Variants in E2F7 observed in about 807,000 individuals in gnomAD.
E2F7 encodes the protein transcription factor E2F7.
A neutral mutation model predicts 81.1 loss-of-function variants in E2F7; 35 were observed. That is an observed-to-expected ratio of 0.43 (90% confidence interval 0.33 to 0.57). The LOEUF (loss-of-function observed/expected upper bound fraction) is 0.57, where lower values mean the gene tolerates loss of function less well. Ranked by LOEUF, E2F7 falls within the 20% of genes least tolerant of loss-of-function variation. The pLI, the probability that E2F7 is intolerant of heterozygous loss-of-function variation, is 0.04. For synonymous variants in E2F7, 416 were observed against 416.2 expected (o/e 1.00, Z 0.01); for missense variants, 961 against 1,093.7 (o/e 0.88, Z 1.71).
At chr12:77,025,185 A>G (rs898111161) in intron 12 of E2F7, among the ~76,000 whole-genome samples, 4 of 152,184 alleles carry the variant, frequency 2.6e-5, no homozygotes, top group Admixed American at 2.0e-4. Flanking sequence ...GATTGTTTTT[A>G]TAGCTGTATA....
intron 5 of E2F7, chr12:77,045,764 G>A (rs1162231968): frequency 2.7e-5 from 11 of 412,294 alleles, no homozygotes; most frequent in Non-Finnish European, 4.3e-5. Flanking sequence ...ACCAGCATGG[G>A]GCTGCCAATC....
chr12:77,038,064 A>G (rs927641550), intron 7 of E2F7, among the ~76,000 whole-genome samples: 1 of 152,208 alleles, frequency 6.6e-6, no homozygotes, highest in African/African-American at 2.4e-5. Context: ...GGGTCATTTT[A>G]TAATGATAAA....
chr12:77,030,191 G>A lies in E2F7; in HGVS notation c.1524C>T (p.Asp508=), dbSNP rs975821299. The A allele has an allele frequency of 6.2e-7, 1 of 1,614,152 alleles. No homozygotes were observed. Among genetic ancestry groups the A allele is most frequent in the Admixed American group, 1.7e-5 (1 of 60,026 alleles). Residue 508 remains aspartate, a synonymous_variant, in exon 10 of 13, where the codon GAC becomes GAT. Transcript: ENST00000322886. ...CGTTCTGCATGGAGAATGCCTGCAGGTCCGTCTGAGCAACAGAAAATACTG... is the reference window on the plus strand; with the variant it reads ...CGTTCTGCATGGAGAATGCCTGCAGATCCGTCTGAGCAACAGAAAATACTG... ...AHPVFSVAQT[D]LQAFSMQNGL...
At chr12:77,048,491 T>C (rs1228793191) in intron 4 of E2F7, among the ~76,000 whole-genome samples, 2 of 152,174 alleles carry the variant, frequency 1.3e-5, no homozygotes, top group African/African-American at 4.8e-5. Flanking sequence ...ACCCATGATA[T>C]CCAGTGTTAA....
intron 4 of E2F7, 62 bp downstream of exon 4, chr12:77,050,514 C>T (rs1208087790): frequency 1.3e-6 from 2 of 1,578,560 alleles, no homozygotes; most frequent in Non-Finnish European, 8.7e-7. Context: ...TCAGCCTGCC[C>T]AAGGAAACCA....
intron 5 of E2F7, among the ~76,000 whole-genome samples, chr12:77,045,195 T>C (rs1468394371): frequency 1.3e-5 from 2 of 152,212 alleles, no homozygotes; most frequent in Admixed American, 1.3e-4. Flanking sequence ...AAAAACTCCA[T>C]TTTTATTTCT....
chr12:77,022,386 A>G lies in E2F7; in HGVS notation c.*1629T>C, dbSNP rs948711223. ...GTTTAGTGTTGATAAAAATTTTTAT[A>G]TAAGTAGCAAATTTATTTAATGTAG... On this transcript the variant is annotated 3_prime_UTR_variant, in exon 13 of 13. Transcript: ENST00000322886. The G allele has an allele frequency of 2.6e-5, 4 of 152,532 alleles. No homozygotes were observed. The highest frequency in any genetic ancestry group is 6.5e-5 in the Admixed American group (1 of 15,278). 9.4% of individuals were successfully genotyped at this position (152,532 alleles called of 1,614,324 possible).
chr12:77,050,771 G>A lies in E2F7; in HGVS notation c.370-27C>T, dbSNP rs139345111. 18 of 1,604,712 alleles carry A rather than the reference G, an allele frequency of 1.1e-5. No individual in the cohort carries two copies. The Admixed American group carries it at 1.8e-4, about 16-fold the overall frequency. On this transcript the variant is annotated intron_variant, in intron 3 of 12. Coordinates refer to ENST00000322886, the MANE Select transcript of E2F7 (RefSeq NM_203394.3). ...TACAGAGGGCAGATAGAAGGGAGGG[G>A]GAAGATGTCACAGTTAACATCCTAA...
At chr12:77,041,561 A>T (rs572042570) in intron 7 of E2F7, among the ~76,000 whole-genome samples, 1 of 151,738 alleles carries the variant, frequency 6.6e-6, no homozygotes, top group South Asian at 2.1e-4. Flanking sequence ...TTGTCTGAAG[A>T]CTCTTGGTTA....
At chr12:77,027,646 T>A (rs1221311369) in intron 11 of E2F7, among the ~76,000 whole-genome samples, 1 of 152,352 alleles carries the variant, frequency 6.6e-6, no homozygotes, top group East Asian at 1.9e-4. Flanking sequence ...AAATAATGTT[T>A]AATGTATTTT....
intron 7 of E2F7, among the ~76,000 whole-genome samples, chr12:77,037,361 C>T (rs185881696): frequency 8.6e-4 from 130 of 152,028 alleles, no homozygotes; most frequent in African/African-American, 2.7e-3. Flanking sequence ...AAGGCTGAGG[C>T]GGGTGGATCA....
At position 77,050,808 on chromosome 12, in the gene E2F7, CA is replaced by C. The variant is rs1388044708; in HGVS notation, c.370-65del. On this transcript the variant is annotated intron_variant, in intron 3 of 12. Transcript: ENST00000322886. Reference sequence around the variant, plus strand: ...AGTTAACATCCTAATGGAGAAATGGCAATGGCCAGTGTTGGCAAACTGGGGG... The same window carrying C: ...AGTTAACATCCTAATGGAGAAATGGCATGGCCAGTGTTGGCAAACTGGGGG... 3.2e-6 allele frequency: 5 copies of C among 1,561,900 alleles called. No homozygotes were observed. The East Asian group carries it at 1.1e-4, about 35-fold the overall frequency.
intron 11 of E2F7, among the ~76,000 whole-genome samples, chr12:77,027,341 G>A (rs1360296095): frequency 6.6e-6 from 1 of 152,160 alleles, no homozygotes; most frequent in African/African-American, 2.4e-5. Context: ...AAGTGCTTTA[G>A]ATGTATTATC....
At chr12:77,059,711 G>T (rs1055465550) in intron 2 of E2F7, among the ~76,000 whole-genome samples, 1 of 152,106 alleles carries the variant, frequency 6.6e-6, no homozygotes, top group African/African-American at 2.4e-5. Flanking sequence ...TAAAAGCCAG[G>T]ACTCTGGGAG....
Position 77,061,099 on chromosome 12 carries a change from C to T in E2F7, c.93+3444G>A, listed in dbSNP as rs1305498131. Among the ~76,000 whole-genome samples, 4 of 152,254 alleles carry T rather than the reference C, an allele frequency of 2.6e-5. No homozygotes were observed. The South Asian group carries it at 6.2e-4, about 24-fold the overall frequency. On this transcript the variant is annotated intron_variant, in intron 2 of 12. Transcript: ENST00000322886. ...ATTTTCACTCTTACAAACCAAACCG[C>T]AAGAGTGCACACACAACCCTCTGCC...
chr12:77,050,556 G>C lies in E2F7; in HGVS notation c.538+20C>G, dbSNP rs765341885. 1.6e-5 allele frequency: 25 copies of C among 1,611,154 alleles called. No individual in the cohort carries two copies. The Middle Eastern group carries it at 4.9e-4, about 32-fold the overall frequency. Reference sequence around the variant, plus strand: ...CACTGTAACTGGAGACAGACCTCCAGGTAATCTGATGATACATACCAAGAC... The same window carrying C: ...CACTGTAACTGGAGACAGACCTCCACGTAATCTGATGATACATACCAAGAC... On this transcript the variant is annotated intron_variant, in intron 4 of 12. Coordinates refer to ENST00000322886, the MANE Select transcript of E2F7 (RefSeq NM_203394.3).
intron 1 of E2F7, 89 bp downstream of exon 1, chr12:77,065,256 G>C (rs1955110059): frequency 6.6e-6 from 1 of 152,324 alleles, no homozygotes; most frequent in Admixed American, 6.5e-5. Flanking sequence ...GCCGGGGGAC[G>C]TGAGGAGTGG....
At chr12:77,061,583 G>A (rs1955079155) in intron 2 of E2F7, among the ~76,000 whole-genome samples, 1 of 152,128 alleles carries the variant, frequency 6.6e-6, no homozygotes, top group African/African-American at 2.4e-5. Flanking sequence ...TAGTAACTTC[G>A]GGTAATGAAG....
chr12:77,057,934 T>C (rs1392825609), intron 2 of E2F7, among the ~76,000 whole-genome samples: 1 of 152,166 alleles, frequency 6.6e-6, no homozygotes, highest in African/African-American at 2.4e-5. Flanking sequence ...TTACAGTAAG[T>C]GTTTTCCTAT....
Sources: gnomAD v4.1 joint callset for allele counts (sites outside exome capture counted in the v4.1 genomes callset) on GRCh38, gnomAD v4.1.1 for gene constraint, MANE v1.5 for transcripts, NCBI Gene and HGNC (gene_info 2026-07-23, HGNC 2026-07-21) for gene names.